Variants in CETP observed in about 807,000 individuals in gnomAD.
The protein encoded by CETP is BPI fold containing family F.
CETP carries 56 observed loss-of-function variants against 66.5 expected under a neutral mutation model. That is an observed-to-expected ratio of 0.84 (90% CI 0.68 to 1.05). The LOEUF is 1.05. Ranked by LOEUF, CETP falls within the 50% of genes least tolerant of loss-of-function variation. The pLI is 0.00. For missense variants in CETP, 612 were observed against 609.6 expected (o/e 1.00, Z -0.04); for synonymous variants, 251 against 245.7 (o/e 1.02, Z -0.20).
In CETP at chr16:56,966,765, AAT is replaced by A. The variant is rs1356225199; in HGVS notation, c.234-2620_234-2619del. ...CAAGCATATGCCACCACTCCCGGCTAATCTTTTTTTTTTTTTTTTATGCATTT... is the reference window on the plus strand; with the variant it reads ...CAAGCATATGCCACCACTCCCGGCTACTTTTTTTTTTTTTTTTATGCATTT... On this transcript the variant is annotated intron_variant, in intron 2 of 15. Coordinates refer to ENST00000200676, the MANE Select transcript of CETP (RefSeq NM_000078.3). 1.2e-4 allele frequency among the ~76,000 whole-genome samples: 16 copies of A among 129,552 alleles called. No homozygotes were observed. In the Admixed American group the frequency reaches 1.4e-3, roughly 11 times the overall value. The allele number at this position is 129,552 out of a possible 152,430, so 85.0% of individuals were successfully genotyped here. A position where few individuals can be genotyped will look rare whatever the true frequency, so the allele number is the denominator to read the frequency against.
chr16:56,983,514 C>G (rs561237246), intron 15 of CETP, 78 bp from the exon 16 acceptor site: 2 of 1,594,466 alleles, frequency 1.3e-6, no homozygotes, highest in South Asian at 2.2e-5. Context: ...ACAGAGGGGC[C>G]TCTACCAGCT....
chr16:56,976,102 T>A (rs1460434550), intron 10 of CETP, among the ~76,000 whole-genome samples: 1 of 152,206 alleles, frequency 6.6e-6, no homozygotes, highest in East Asian at 1.9e-4. Context: ...GTCTGAGTCC[T>A]GTTCCTTTGA....
Position 56,971,115 on chromosome 16 carries a change from G to A in CETP, c.597+13G>A. On this transcript the variant is annotated intron_variant, in intron 6 of 15. Transcript: ENST00000200676. ...CCTGAAGGGACAGGTGAGTGAGGCT[G>A]GCTGACTCCCTGTGGTCCAGGGCCA... 1 of 1,613,324 alleles carries A rather than the reference G, an allele frequency of 6.2e-7. No individual in the cohort carries two copies. Among genetic ancestry groups the A allele is most frequent in the Non-Finnish European group, 8.5e-7 (1 of 1,179,528 alleles).
rs573083285 is a variant in CETP at position 56,977,200 on chromosome 16, C to T, written c.982-891C>T. Among the ~76,000 whole-genome samples the T allele has an allele frequency of 8.5e-5, 13 of 152,240 alleles. No individual in the cohort carries two copies. The East Asian group carries it at 1.5e-3, about 18-fold the overall frequency. On this transcript the variant is annotated intron_variant, in intron 10 of 15. Transcript: ENST00000200676. ...TGCCGGGATTACAGGTGTGAGCTCCCGCACCCCGCCGGCCCTTTCTTTCTT... is the reference window on the plus strand; with the variant it reads ...TGCCGGGATTACAGGTGTGAGCTCCTGCACCCCGCCGGCCCTTTCTTTCTT...
At chr16:56,966,090 G>A (rs560590806) in intron 2 of CETP, among the ~76,000 whole-genome samples, 36 of 152,252 alleles carry the variant, frequency 2.4e-4, no homozygotes, top group South Asian at 8.3e-4. Flanking sequence ...ATCACTCCAA[G>A]TTTAGTGGCT....
intron 8 of CETP, 121 bp from the exon 9 acceptor site, chr16:56,973,210 T>G: frequency 9.7e-7 from 1 of 1,030,218 alleles, no homozygotes; most frequent in Non-Finnish European, 1.5e-6. Context: ...GTACAGCTCT[T>G]TCCTCAGTTT....
intron 7 of CETP, 55 bp from the exon 8 acceptor site, chr16:56,971,937 G>T: frequency 6.8e-7 from 1 of 1,470,694 alleles, no homozygotes; most frequent in South Asian, 1.1e-5. Context: ...GGGGAGCGGT[G>T]ACTCAGGGCA....
At chr16:56,977,693 C>T (rs983825802) in intron 10 of CETP, among the ~76,000 whole-genome samples, 7 of 152,036 alleles carry the variant, frequency 4.6e-5, no homozygotes, top group African/African-American at 1.2e-4. Context: ...CAGCTTCCCT[C>T]GGAGGGTTAC....
At chr16:56,962,438 T>C (rs1228090075) in intron 1 of CETP, 3 of 561,824 alleles carry the variant, frequency 5.3e-6, no homozygotes, top group Admixed American at 4.1e-5. Context: ...ATTAGGAGGT[T>C]GGTGTATATT....
intron 14 of CETP, among the ~76,000 whole-genome samples, chr16:56,982,819 A>G (rs991160014): frequency 2.6e-5 from 4 of 152,132 alleles, no homozygotes; most frequent in African/African-American, 9.7e-5. Context: ...GCTTGTCCAC[A>G]TGGCTTAGGT....
chr16:56,983,472 C>T (rs2056203137), intron 15 of CETP, 61 bp downstream of exon 15: 2 of 1,597,574 alleles, frequency 1.3e-6, no homozygotes, highest in Non-Finnish European at 1.7e-6. Context: ...AGACAGGATT[C>T]CTGGGGTGAC....
intron 11 of CETP, 24 bp from the exon 12 acceptor site, chr16:56,981,134 A>G (rs1274406013): frequency 1.9e-6 from 3 of 1,578,706 alleles, no homozygotes; most frequent in Non-Finnish European, 2.6e-6. Context: ...CCTGGCTCAC[A>G]GCAAATTTGG....
chr16:56,980,244 G>GTTGT (rs1247474408), intron 11 of CETP, among the ~76,000 whole-genome samples: 6 of 152,156 alleles, frequency 3.9e-5, no homozygotes, highest in Admixed American at 2.6e-4. Flanking sequence ...CTTTTTTGTT[G>GTTGT]TTGTTTGTTT....
chr16:56,965,746 C>A (rs1265274357), intron 2 of CETP, among the ~76,000 whole-genome samples: 1 of 152,114 alleles, frequency 6.6e-6, no homozygotes, highest in Non-Finnish European at 1.5e-5. Flanking sequence ...GAGAGTTCAG[C>A]AAGGGTAGAG....
At position 56,973,605 on chromosome 16, in the gene CETP, C is replaced by G. The variant is rs1385982819; in HGVS notation, c.930+95C>G. ...GGGGAGGAGGGAGGAAACTCGGAAA[C>G]TTGGTGGTGGGCAAAAGAACTAAGC... On this transcript the variant is annotated intron_variant, in intron 9 of 15. Coordinates refer to ENST00000200676, the MANE Select transcript of CETP (RefSeq NM_000078.3). 21 of 1,426,084 alleles carry G rather than the reference C, an allele frequency of 1.5e-5. No homozygotes were observed. The Admixed American group carries it at 3.7e-4, about 25-fold the overall frequency. The allele number at this position is 1,426,084 out of a possible 1,614,324, so 88.3% of individuals were successfully genotyped here. A position where few individuals can be genotyped will look rare whatever the true frequency, so the allele number is the denominator to read the frequency against.
At chr16:56,972,202 G>A (rs369410977) in intron 8 of CETP, 119 bp downstream of exon 8, 65 of 738,546 alleles carry the variant, frequency 8.8e-5, no homozygotes, top group African/African-American at 7.3e-4. Context: ...GTCCTGGGGC[G>A]CTCCTCCTCA....
intron 2 of CETP, among the ~76,000 whole-genome samples, chr16:56,965,214 A>G (rs568063554): frequency 9.8e-5 from 15 of 152,368 alleles, no homozygotes; most frequent in African/African-American, 3.6e-4. Context: ...CAGTAAGACC[A>G]GACTGCCATA....
At chr16:56,968,722 T>A (rs1343133705) in intron 2 of CETP, among the ~76,000 whole-genome samples, 1 of 149,518 alleles carries the variant, frequency 6.7e-6, no homozygotes, top group Non-Finnish European at 1.5e-5. Context: ...GTAATTTGAG[T>A]CTTCTTCTTT....
intron 1 of CETP, 107 bp downstream of exon 1, chr16:56,962,204 T>C (rs1489106658): frequency 2.2e-6 from 2 of 929,500 alleles, no homozygotes; most frequent in African/African-American, 3.2e-5. Context: ...GCTGCCACAC[T>C]AGCCCAGAGA....
Sources: allele counts gnomAD v4.1 joint callset (sites outside exome capture counted in the v4.1 genomes callset), GRCh38; gene constraint gnomAD v4.1.1; transcripts MANE v1.5; gene names NCBI Gene and HGNC (gene_info 2026-07-23, HGNC 2026-07-21).